The following TENM3 variants were observed in gnomAD, a reference collection of about 807,000 sequenced individuals.
TENM3 encodes teneurin-3.
TENM3 carries 63 observed loss-of-function variants against 255.1 expected under a neutral mutation model. The observed-to-expected ratio is 0.25, with a 90% CI of 0.20 to 0.30. The LOEUF is 0.30. Among genes scored for constraint, TENM3 ranks in the 10% least tolerant of loss-of-function variants. The probability of loss-of-function intolerance (pLI) is 1.00; values close to 1 mark genes in which losing one functional copy is unlikely to be tolerated. For synonymous variants in TENM3, 1,306 were observed against 1,322.3 expected (o/e 0.99, Z 0.27); for missense variants, 2,929 against 3,461.1 (o/e 0.85, Z 3.86).
At chr4:181,609,290 T>C in the TENM3 span, among the ~76,000 whole-genome samples, 1 of 152,214 alleles carries the variant, frequency 6.6e-6, no homozygotes, top group Admixed American at 6.5e-5. Flanking sequence ...TAAAGTTGGA[T>C]AGAAATGCTT....
chr4:182,069,342 C>T, the TENM3 span, among the ~76,000 whole-genome samples: 3 of 152,232 alleles, frequency 2.0e-5, no homozygotes, highest in Admixed American at 2.0e-4. Context: ...TGTATCATAA[C>T]ATCATGAAAT....
intron 3 of TENM3, among the ~76,000 whole-genome samples, chr4:182,590,898 C>G (rs1361029788): frequency 2.6e-5 from 4 of 151,934 alleles, no homozygotes; most frequent in African/African-American, 9.7e-5. Context: ...ATTACAGAAA[C>G]TGGCAGACCT....
At chr4:182,031,457 C>A in the TENM3 span, among the ~76,000 whole-genome samples, 1 of 152,118 alleles carries the variant, frequency 6.6e-6, no homozygotes, top group African/African-American at 2.4e-5. Context: ...GTTACTGTAG[C>A]GTTGCAGTGT....
chr4:182,170,362 A>G (rs1244557932), intron 1 of TENM3, among the ~76,000 whole-genome samples: 3 of 152,170 alleles, frequency 2.0e-5, no homozygotes, highest in Non-Finnish European at 4.4e-5. Context: ...CTAAACTATT[A>G]TGGTGTAATC....
At chr4:181,809,353 G>A in the TENM3 span, among the ~76,000 whole-genome samples, 1 of 152,088 alleles carries the variant, frequency 6.6e-6, no homozygotes, top group Admixed American at 6.5e-5. Context: ...TTTGACCATA[G>A]GCCATGAGTA....
At chr4:182,694,128 G>A (rs988059575) in intron 12 of TENM3, among the ~76,000 whole-genome samples, 1 of 151,074 alleles carries the variant, frequency 6.6e-6, no homozygotes, top group Non-Finnish European at 1.5e-5. Context: ...TTTTATTTTT[G>A]AGACAGGGTC....
At chr4:182,247,342 A>G (rs1757721048) in intron 1 of TENM3, among the ~76,000 whole-genome samples, 1 of 152,142 alleles carries the variant, frequency 6.6e-6, no homozygotes, top group Admixed American at 6.5e-5. Flanking sequence ...GCCATGATAA[A>G]TGTCTGATTA....
At chr4:182,236,804 T>C (rs983867232) in intron 1 of TENM3, among the ~76,000 whole-genome samples, 1 of 152,232 alleles carries the variant, frequency 6.6e-6, no homozygotes, top group African/African-American at 2.4e-5. Context: ...TGAGATTTGC[T>C]GTGTATTCTG....
intron 5 of TENM3, among the ~76,000 whole-genome samples, chr4:182,629,300 A>G (rs1581154364): frequency 6.6e-6 from 1 of 152,274 alleles, no homozygotes; most frequent in African/African-American, 2.4e-5. Context: ...CAGCTCACTC[A>G]GCCATCTAAA....
the TENM3 span, among the ~76,000 whole-genome samples, chr4:181,568,844 G>A: frequency 2.6e-5 from 4 of 152,226 alleles, no homozygotes; most frequent in East Asian, 7.7e-4. Flanking sequence ...GCACACATAG[G>A]TCATGCCAAG....
the TENM3 span, among the ~76,000 whole-genome samples, chr4:181,771,926 C>T: frequency 5.3e-5 from 8 of 152,152 alleles, no homozygotes; most frequent in South Asian, 2.1e-4. Flanking sequence ...GGCTGGCTAA[C>T]GTTCTGAAAC....
At chr4:181,456,691 T>C in the TENM3 span, among the ~76,000 whole-genome samples, 3 of 151,880 alleles carry the variant, frequency 2.0e-5, no homozygotes, top group Admixed American at 6.6e-5. Context: ...ATGTAAATTA[T>C]AGAATTTTTA....
At chr4:182,431,222 C>T (rs535699272) in intron 3 of TENM3, among the ~76,000 whole-genome samples, 5 of 151,772 alleles carry the variant, frequency 3.3e-5, no homozygotes, top group Admixed American at 6.6e-5. Flanking sequence ...TGAGGCCGGG[C>T]GTGGGGGCTC....
chr4:181,648,606 A>G, the TENM3 span, among the ~76,000 whole-genome samples: 1 of 152,204 alleles, frequency 6.6e-6, no homozygotes, highest in Admixed American at 6.5e-5. Context: ...ATTCTGATTT[A>G]CCAGGGATAG....
chr4:182,017,044 C>A, the TENM3 span, among the ~76,000 whole-genome samples: 1 of 152,188 alleles, frequency 6.6e-6, no homozygotes. Flanking sequence ...GACACATATT[C>A]CAAACATAGA....
At chr4:182,587,468 A>T (rs1746144753) in intron 3 of TENM3, among the ~76,000 whole-genome samples, 1 of 152,160 alleles carries the variant, frequency 6.6e-6, no homozygotes, top group Admixed American at 6.6e-5. Flanking sequence ...AGTTCCAGCT[A>T]CTGGGGAGGC....
At chr4:182,044,999 T>C in the TENM3 span, among the ~76,000 whole-genome samples, 1 of 152,246 alleles carries the variant, frequency 6.6e-6, no homozygotes, top group African/African-American at 2.4e-5. Context: ...CAAGTATCTC[T>C]ATGTTTGTTG....
At chr4:181,891,630 T>C in the TENM3 span, among the ~76,000 whole-genome samples, 84 of 152,336 alleles carry the variant, frequency 5.5e-4, no homozygotes, top group Middle Eastern at 3.4e-3. Flanking sequence ...TCATCCACTC[T>C]TGCCATGTCA....
At chr4:181,777,663 G>A in the TENM3 span, among the ~76,000 whole-genome samples, 2 of 152,036 alleles carry the variant, frequency 1.3e-5, no homozygotes, top group Non-Finnish European at 2.9e-5. Context: ...ATTATTTGGG[G>A]TGAACATATG....
Sources: allele counts gnomAD v4.1 joint callset (sites outside exome capture counted in the v4.1 genomes callset), GRCh38; gene constraint gnomAD v4.1.1; transcripts MANE v1.5; gene names NCBI Gene and HGNC (gene_info 2026-07-23, HGNC 2026-07-21).